The following ZNF536 variants were observed in gnomAD, a reference collection of about 807,000 sequenced individuals.
ZNF536 encodes zinc finger protein 536.
In ZNF536, 13 loss-of-function variants were observed where a neutral mutation model predicts 84.5. The observed-to-expected ratio is 0.15, with a 90% confidence interval of 0.10 to 0.24. The LOEUF is 0.24. ZNF536 is among the 10% of genes least tolerant of loss of function. ZNF536 has a pLI of 1.00. For missense variants in ZNF536, 1,536 were observed against 1,747.5 expected (o/e 0.88, Z 2.16); for synonymous variants, 811 against 742.5 (o/e 1.09, Z -1.50).
At chr19:30,316,482 A>G (rs934146121) in intron 2 of ZNF536, among the ~76,000 whole-genome samples, 4 of 152,150 alleles carry the variant, frequency 2.6e-5, no homozygotes. Context: ...AGAGCTCTTT[A>G]CATATGTTGG....
chr19:30,549,192 C>T lies in ZNF536; in HGVS notation c.3573C>T (p.Thr1191=), dbSNP rs747422904. 19 of 1,611,146 alleles carry T rather than the reference C, an allele frequency of 1.2e-5. No individual in the cohort carries two copies. The highest frequency in any genetic ancestry group is 1.4e-5 in the Non-Finnish European group (16 of 1,179,474). Residue 1191 remains threonine, a synonymous_variant, in exon 4 of 5, where the codon ACC becomes ACT. Coordinates refer to ENST00000355537, the MANE Select transcript of ZNF536 (RefSeq NM_014717.3). The stretch of plus-strand genomic sequence containing the variant: ...TTGAAACCGAACCGGAAATGATGAC[C>T]AAGCCACTGTCTGCCCTCAGCAAAG... ...EDVETEPEMM[T]KPLSALSKDS... is the part of the protein sequence containing the mutation.
At chr19:30,325,209 C>T (rs769442287) in intron 2 of ZNF536, among the ~76,000 whole-genome samples, 2 of 152,208 alleles carry the variant, frequency 1.3e-5, no homozygotes, top group South Asian at 2.1e-4. Context: ...CTTCTGGGGG[C>T]TCCAGCACCA....
intron 1 of ZNF536, among the ~76,000 whole-genome samples, chr19:30,655,120 A>G (rs2049859356): frequency 6.6e-6 from 1 of 152,176 alleles, no homozygotes; most frequent in East Asian, 1.9e-4. Flanking sequence ...ACTCAGATTG[A>G]CAGCTCTCAG....
At chr19:30,560,884 G>GC (rs1324324603), downstream of ZNF536, among the ~76,000 whole-genome samples, 3 of 152,252 alleles carry the variant, frequency 2.0e-5, no homozygotes, top group Non-Finnish European at 4.4e-5. Flanking sequence ...TATTGTCTCT[G>GC]CGTAAGCAGA....
chr19:30,480,679 A>G (rs979902552), intron 2 of ZNF536, among the ~76,000 whole-genome samples: 1 of 152,242 alleles, frequency 6.6e-6, no homozygotes, highest in Non-Finnish European at 1.5e-5. Flanking sequence ...ACAAACCTGC[A>G]CGTTCTGCAC....
chr19:30,397,005 A>G (rs2049851769), intron 1 of ZNF536, among the ~76,000 whole-genome samples: 1 of 152,190 alleles, frequency 6.6e-6, no homozygotes, highest in Admixed American at 6.5e-5. Context: ...GCTAGAGCCC[A>G]GAGCTCCCAG....
chr19:30,406,856 CT>C (rs1226723415), intron 1 of ZNF536, among the ~76,000 whole-genome samples: 4 of 152,152 alleles, frequency 2.6e-5, no homozygotes, highest in Non-Finnish European at 5.9e-5. Flanking sequence ...TGGTGATAAC[CT>C]TTTAAAAGAT....
At chr19:30,424,634 T>C (rs949661199) in intron 1 of ZNF536, among the ~76,000 whole-genome samples, 3 of 151,796 alleles carry the variant, frequency 2.0e-5, no homozygotes, top group African/African-American at 7.3e-5. Flanking sequence ...AAAAAAATAA[T>C]AGGGTGTGCA....
At chr19:30,369,940 A>G (rs757283911), upstream of ZNF536, among the ~76,000 whole-genome samples, 18 of 152,340 alleles carry the variant, frequency 1.2e-4, no homozygotes, top group East Asian at 9.6e-4. Context: ...CCTGGATCCA[A>G]TTAAAAAAAA....
intron 2 of ZNF536, among the ~76,000 whole-genome samples, chr19:30,486,961 C>A (rs952458820): frequency 6.6e-6 from 1 of 152,174 alleles, no homozygotes. Flanking sequence ...TTAAAAATTA[C>A]AAACTTAAAT....
At chr19:30,646,547 G>A (rs1006873767) in intron 1 of ZNF536, among the ~76,000 whole-genome samples, 10 of 152,226 alleles carry the variant, frequency 6.6e-5, no homozygotes, top group African/African-American at 2.4e-4. Context: ...GTGTGGATGT[G>A]TGACTTTGCC....
Position 30,630,425 on chromosome 19 carries a change from GTGTGTT to G in ZNF536, c.170-80326_170-80321del, listed in dbSNP as rs1011729335. On this transcript the variant is annotated intron_variant, in intron 1 of 1. Transcript: ENST00000592773. The stretch of plus-strand genomic sequence containing the variant: ...CGTGTGTGTGTGTGTGTGTGTGTGT[GTGTGTT>G]TGTGTACCTGCGTGTGTGCACACGT... Among the ~76,000 whole-genome samples the G allele has an allele frequency of 4.7e-4, 72 of 152,118 alleles. 1 individual carries two copies. Among genetic ancestry groups the G allele is most frequent in the African/African-American group, 1.4e-3 (60 of 41,482 alleles).
chr19:30,273,688 T>A (rs937594931), intron 1 of ZNF536, among the ~76,000 whole-genome samples: 25 of 152,236 alleles, frequency 1.6e-4, no homozygotes, highest in African/African-American at 5.5e-4. Context: ...GTGTAGCTTG[T>A]CTTTTCATTC....
At chr19:30,648,798 T>A (rs1214289000) in intron 1 of ZNF536, among the ~76,000 whole-genome samples, 4 of 152,236 alleles carry the variant, frequency 2.6e-5, no homozygotes, top group Non-Finnish European at 5.9e-5. Context: ...AATAGCATGT[T>A]ACTTTGGGGA....
intron 1 of ZNF536, among the ~76,000 whole-genome samples, chr19:30,271,798 A>G (rs886182472): frequency 1.3e-5 from 2 of 152,158 alleles, no homozygotes; most frequent in Non-Finnish European, 2.9e-5. Context: ...TCCTTGCCCT[A>G]TGTGTCCTAG....
intron 1 of ZNF536, among the ~76,000 whole-genome samples, chr19:30,672,806 T>C (rs1022597970): frequency 6.6e-6 from 1 of 151,060 alleles, no homozygotes; most frequent in African/African-American, 2.4e-5. Context: ...AAGGAGGGAG[T>C]GGGGGGAGCA....
chr19:30,599,241 TC>T (rs1338946905), intron 1 of ZNF536, among the ~76,000 whole-genome samples: 3 of 35,238 alleles, frequency 8.5e-5, no homozygotes, highest in Non-Finnish European at 1.5e-4. Flanking sequence ...CCTCCACCCC[TC>T]CCCCATCTCC....
At chr19:30,624,422 C>G (rs1283738506) in intron 1 of ZNF536, among the ~76,000 whole-genome samples, 1 of 152,202 alleles carries the variant, frequency 6.6e-6, no homozygotes, top group African/African-American at 2.4e-5. Context: ...CCAGAATGAT[C>G]TAACAGTGTT....
chr19:30,324,845 GC>G (rs2046971728), intron 2 of ZNF536, among the ~76,000 whole-genome samples: 1 of 152,156 alleles, frequency 6.6e-6, no homozygotes, highest in South Asian at 2.1e-4. Context: ...CTCCTTAAAA[GC>G]CCCTCTCTTC....
Sources: allele counts gnomAD v4.1 joint callset (sites outside exome capture counted in the v4.1 genomes callset), GRCh38; gene constraint gnomAD v4.1.1; transcripts MANE v1.5; gene names NCBI Gene and HGNC (gene_info 2026-07-23, HGNC 2026-07-21).